FHIT: variants seen among roughly 807,000 people sequenced by gnomAD.
FHIT encodes bis(5'-adenosyl)-triphosphatase.
A neutral mutation model predicts 17.9 loss-of-function variants in FHIT; 19 were observed. The ratio of observed to expected loss-of-function variants is 1.06; its 90% CI spans 0.74 to 1.56. The LOEUF is 1.56. Ranked by LOEUF, FHIT falls within the 40% of genes most tolerant of loss-of-function variation. The pLI, the probability that FHIT is intolerant of heterozygous loss-of-function variation, is 0.00. For synonymous variants in FHIT, 81 were observed against 69.7 expected (o/e 1.16, Z -0.81); for missense variants, 248 against 189.2 (o/e 1.31, Z -1.82).
At chr3:60,699,132 T>A (rs1432984562) in intron 4 of FHIT, among the ~76,000 whole-genome samples, 3 of 152,186 alleles carry the variant, frequency 2.0e-5, no homozygotes, top group African/African-American at 7.2e-5. Context: ...ATATAACTTT[T>A]AAGTGAATTT....
Position 59,925,986 on chromosome 3 carries a change from T to C in FHIT, c.280-3572A>G, listed in dbSNP as rs79769692. On this transcript the variant is annotated intron_variant, in intron 7 of 9. Transcript: ENST00000492590. ...TTACTGCTTTCATATTAAGCTGTGGTGATCACAACTTACTTTTCTAAGTGC... is the reference window on the plus strand; with the variant it reads ...TTACTGCTTTCATATTAAGCTGTGGCGATCACAACTTACTTTTCTAAGTGC... Among the ~76,000 whole-genome samples the C allele has an allele frequency of 3.7e-3, 566 of 152,350 alleles. 5 individuals carry two copies. Among genetic ancestry groups the C allele is most frequent in the African/African-American group, 0.013 (549 of 41,578 alleles).
chr3:59,928,517 T>C (rs528638389), intron 7 of FHIT, among the ~76,000 whole-genome samples: 1 of 152,214 alleles, frequency 6.6e-6, no homozygotes, highest in Non-Finnish European at 1.5e-5. Context: ...ATATCTAAAA[T>C]ACATAAAGAA....
intron 5 of FHIT, among the ~76,000 whole-genome samples, chr3:60,093,586 C>T (rs1285082686): frequency 6.6e-6 from 1 of 152,170 alleles, no homozygotes; most frequent in Non-Finnish European, 1.5e-5. Context: ...CAGGGATCCC[C>T]AACCGCCGTG....
intron 4 of FHIT, among the ~76,000 whole-genome samples, chr3:60,565,850 G>A (rs1576890312): frequency 6.6e-6 from 1 of 152,266 alleles, no homozygotes; most frequent in Middle Eastern, 3.4e-3. Context: ...TAATTGTGAT[G>A]TTAGGGTGTC....
chr3:60,646,840 C>A (rs1223289699), intron 4 of FHIT, among the ~76,000 whole-genome samples: 2 of 152,198 alleles, frequency 1.3e-5, no homozygotes, highest in African/African-American at 4.8e-5. Flanking sequence ...CAGAACACTT[C>A]TCCCACCTGC....
chr3:61,156,321 TA>T (rs2037532803), intron 2 of FHIT, among the ~76,000 whole-genome samples: 1 of 152,198 alleles, frequency 6.6e-6, no homozygotes, highest in East Asian at 1.9e-4. Context: ...TACCATTTTT[TA>T]AGTCTACTTA....
At chr3:59,973,045 T>G (rs373136974) in intron 7 of FHIT, among the ~76,000 whole-genome samples, 4 of 152,118 alleles carry the variant, frequency 2.6e-5, no homozygotes, top group African/African-American at 9.6e-5. Context: ...ACAGGGTGTG[T>G]CTCCCTCCTC....
intron 4 of FHIT, among the ~76,000 whole-genome samples, chr3:60,621,001 A>G (rs2039109001): frequency 1.3e-5 from 2 of 152,128 alleles, no homozygotes; most frequent in Non-Finnish European, 2.9e-5. Context: ...TAATATATAA[A>G]TAGCCTTATA....
chr3:60,518,643 C>T (rs1005762377), intron 5 of FHIT, among the ~76,000 whole-genome samples: 7 of 152,084 alleles, frequency 4.6e-5, no homozygotes, highest in Non-Finnish European at 8.8e-5. Flanking sequence ...ACACATATGT[C>T]GAAAAGTCAG....
intron 2 of FHIT, among the ~76,000 whole-genome samples, chr3:61,183,507 C>T (rs1166769705): frequency 6.6e-6 from 1 of 152,174 alleles, no homozygotes; most frequent in African/African-American, 2.4e-5. Flanking sequence ...ATTTGCTGCA[C>T]TCTCTCTCTT....
intron 4 of FHIT, among the ~76,000 whole-genome samples, chr3:60,542,326 C>G (rs193235518): frequency 6.6e-6 from 1 of 152,302 alleles, no homozygotes; most frequent in African/African-American, 2.4e-5. Context: ...GGATTCCTAT[C>G]TTAGCATCCC....
chr3:59,950,544 A>G (rs1240037895), intron 7 of FHIT, among the ~76,000 whole-genome samples: 1 of 3,382 alleles, frequency 3.0e-4, no homozygotes, highest in Non-Finnish European at 1.3e-3. Flanking sequence ...CTGTCTAAAA[A>G]AACTGTTTGT....
intron 8 of FHIT, among the ~76,000 whole-genome samples, chr3:59,766,144 A>G (rs1484351212): frequency 1.3e-5 from 2 of 152,198 alleles, no homozygotes; most frequent in African/African-American, 4.8e-5. Flanking sequence ...GGATAGTAGC[A>G]AAATCATAGG....
chr3:59,751,113 T>C (rs930911150), intron 9 of FHIT: 1 of 180,080 alleles, frequency 5.6e-6, no homozygotes, highest in African/African-American at 2.4e-5. Flanking sequence ...CAGAAAAAAA[T>C]ACAAGATACC....
At chr3:59,991,659 C>T (rs997072938) in intron 7 of FHIT, among the ~76,000 whole-genome samples, 1 of 152,018 alleles carries the variant, frequency 6.6e-6, no homozygotes, top group Non-Finnish European at 1.5e-5. Context: ...GTCCTGAATG[C>T]TTTCTGAGTC....
At chr3:60,919,393 A>G (rs1263524078) in intron 3 of FHIT, among the ~76,000 whole-genome samples, 1 of 141,858 alleles carries the variant, frequency 7.0e-6, no homozygotes, top group African/African-American at 2.8e-5. Flanking sequence ...CACAATCACA[A>G]CCACAGTTTT....
At chr3:60,007,266 A>G (rs1699961364) in intron 7 of FHIT, among the ~76,000 whole-genome samples, 2 of 152,214 alleles carry the variant, frequency 1.3e-5, no homozygotes, top group African/African-American at 4.8e-5. Context: ...CTTAATGGTT[A>G]GATTAGATGG....
intron 4 of FHIT, among the ~76,000 whole-genome samples, chr3:60,750,327 A>G (rs1383261234): frequency 6.6e-6 from 1 of 152,116 alleles, no homozygotes; most frequent in East Asian, 1.9e-4. Flanking sequence ...GAAATTCAGG[A>G]GGGCCTCAAA....
intron 7 of FHIT, among the ~76,000 whole-genome samples, chr3:59,932,521 G>T (rs989060166): frequency 1.3e-5 from 2 of 152,172 alleles, no homozygotes; most frequent in East Asian, 3.9e-4. Context: ...TGTTGTCATA[G>T]TTCTGTCACC....
Sources: gnomAD v4.1 joint callset for allele counts (sites outside exome capture counted in the v4.1 genomes callset) on GRCh38, gnomAD v4.1.1 for gene constraint, MANE v1.5 for transcripts, NCBI Gene and HGNC (gene_info 2026-07-23, HGNC 2026-07-21) for gene names.